Variants in PLEKHA6 observed in about 807,000 individuals in gnomAD.
The protein encoded by PLEKHA6 is pleckstrin homology domain-containing family A member 6.
In PLEKHA6, 60 loss-of-function variants were observed where a neutral mutation model predicts 116.7. The observed-to-expected ratio is 0.51, with a 90% CI of 0.42 to 0.64. PLEKHA6 has a LOEUF of 0.64. Among genes scored for constraint, PLEKHA6 ranks in the 30% least tolerant of loss-of-function variants. PLEKHA6 has a pLI of 0.00. For synonymous variants in PLEKHA6, 489 were observed against 556.1 expected, an observed-to-expected ratio of 0.88 and a Z score of 1.70; for missense variants, 1,338 against 1,422.7, an observed-to-expected ratio of 0.94 and a Z score of 0.96.
chr1:204,223,523 G>A lies in PLEKHA6; in HGVS notation c.3094C>T (p.Leu1032=), dbSNP rs745908885. The change falls in exon 22 of 23, where the codon CTG becomes TTG. Residue 1032 remains leucine, a synonymous_variant. Coordinates refer to ENST00000272203, the MANE Select transcript of PLEKHA6 (RefSeq NM_014935.5). The surrounding 1 kb of genome is among the most constrained non-coding windows in gnomAD (Gnocchi z 4.8). The part of the protein sequence containing the change: ...PASPAPPANP[L]SSESPRGADS... ...GCGCCCCGTGGGGATTCAGACGACAGGGGGTTTGCTGGAGGAGCCGGGGAA... is the reference window on the plus strand; with the variant it reads ...GCGCCCCGTGGGGATTCAGACGACAAGGGGTTTGCTGGAGGAGCCGGGGAA... The A allele has an allele frequency of 6.4e-7, 1 of 1,550,924 alleles. No homozygotes were observed. The highest frequency in any genetic ancestry group is 1.4e-5 in the African/African-American group (1 of 72,992).
chr1:204,378,112 G>A (rs1202458283), upstream of PLEKHA6: 1 of 152,280 alleles, frequency 6.6e-6, no homozygotes, highest in Non-Finnish European at 1.5e-5. Flanking sequence ...AAGCTGGAGC[G>A]GGGAGGATCC....
intron 3 of PLEKHA6, among the ~76,000 whole-genome samples, chr1:204,366,760 TAA>T (rs1284770111): frequency 1.3e-5 from 2 of 151,710 alleles, no homozygotes; most frequent in Admixed American, 1.3e-4. Context: ...GACCCTATCT[TAA>T]AAAAAAGAAA....
chr1:204,311,766 C>T (rs1413766745), intron 1 of PLEKHA6: 1 of 613,600 alleles, frequency 1.6e-6, no homozygotes, highest in African/African-American at 2.0e-5. Flanking sequence ...CCTAAGATTA[C>T]ACTCTAAAGG....
intron 1 of PLEKHA6, among the ~76,000 whole-genome samples, chr1:204,293,899 A>C (rs1670015616): frequency 6.6e-6 from 1 of 152,346 alleles, no homozygotes; most frequent in African/African-American, 2.4e-5. Flanking sequence ...TTCCAGACTG[A>C]GAGGAAAGAG....
intron 15 of PLEKHA6, among the ~76,000 whole-genome samples, chr1:204,243,519 G>T (rs934158907): frequency 6.6e-6 from 1 of 152,052 alleles, no homozygotes; most frequent in Non-Finnish European, 1.5e-5. Flanking sequence ...TTTCCCCAAA[G>T]CTCTCTCATT....
At chr1:204,353,998 C>A (rs1673351868) in intron 1 of PLEKHA6, among the ~76,000 whole-genome samples, 1 of 152,184 alleles carries the variant, frequency 6.6e-6, no homozygotes, top group African/African-American at 2.4e-5. Context: ...AGGAACCAAG[C>A]AAAACCAGAA....
intron 9 of PLEKHA6, among the ~76,000 whole-genome samples, chr1:204,254,275 C>T (rs962605715): frequency 6.6e-6 from 1 of 152,214 alleles, no homozygotes; most frequent in Admixed American, 6.5e-5. Flanking sequence ...GCCACGGCCT[C>T]CAGGGCCAGG....
chr1:204,343,987 C>T (rs1246629733), intron 1 of PLEKHA6, among the ~76,000 whole-genome samples: 1 of 152,104 alleles, frequency 6.6e-6, no homozygotes, highest in Non-Finnish European at 1.5e-5. Context: ...ACAGTAATGC[C>T]CAGACTAAAA....
Position 204,228,732 on chromosome 1 carries a change from A to C in PLEKHA6, c.2881T>G (p.Ser961Ala). Residue 961 changes from serine (S) to alanine (A), a missense_variant, in exon 20 of 23, where the codon TCC (serine) becomes GCC (alanine). Physicochemically the swap from Ser to Ala is moderately conservative, Grantham distance 99. Around this residue, in one of 3 missense-constraint regions of PLEKHA6, gnomAD observed 1,136 missense variants for 1,163.6 expected, o/e 0.98. Coordinates refer to ENST00000272203, the MANE Select transcript of PLEKHA6 (RefSeq NM_014935.5). The surrounding 1 kb of genome is among the most constrained non-coding windows in gnomAD (Gnocchi z 4.0). Reference sequence around the variant, plus strand: ...AGGCTCACCCAGGCTGGTTACCTGGATTTGGCAATGAGTGTCTTGATCCTC... The same window carrying C: ...AGGCTCACCCAGGCTGGTTACCTGGCTTTGGCAATGAGTGTCTTGATCCTC... ...VERIKTLIAK[S>A]SMQNVVPIGE... 6.2e-7 allele frequency: 1 copy of C among 1,613,940 alleles called. No individual in the cohort carries two copies. The highest frequency in any genetic ancestry group is 8.5e-7 in the Non-Finnish European group (1 of 1,179,922).
chr1:204,305,793 C>T (rs900533366), intron 1 of PLEKHA6, among the ~76,000 whole-genome samples: 1 of 122,858 alleles, frequency 8.1e-6, no homozygotes, highest in Non-Finnish European at 1.9e-5. Flanking sequence ...AATAACCAGA[C>T]TGTACAACCT....
In PLEKHA6 at chr1:204,223,794, T is replaced by C. The variant is rs900962298; in HGVS notation, c.3032-209A>G. Among the ~76,000 whole-genome samples, 1 of 151,980 alleles carries C rather than the reference T, an allele frequency of 6.6e-6. No homozygotes were observed. Among genetic ancestry groups the C allele is most frequent in the African/African-American group, 2.4e-5 (1 of 41,394 alleles). On this transcript the variant is annotated intron_variant, in intron 21 of 22. Transcript: ENST00000272203. This position sits in a 1 kb window ranked among gnomAD's most constrained non-coding sequence, Gnocchi z 4.8. Reference sequence around the variant, plus strand: ...AGAGTGTGAGGCCCCAGAGGAGACCTGGCCGAATCTAGGCTCTGCTGAGAA... The same window carrying C: ...AGAGTGTGAGGCCCCAGAGGAGACCCGGCCGAATCTAGGCTCTGCTGAGAA...
In PLEKHA6 at chr1:204,268,225, C is replaced by T. The variant is rs777396593; in HGVS notation, c.190G>A (p.Gly64Ser). 6.2e-7 allele frequency: 1 copy of T among 1,611,312 alleles called. No individual in the cohort carries two copies. The highest frequency in any genetic ancestry group is 2.2e-5 in the East Asian group (1 of 44,654). Residue 64 changes from glycine (G) to serine (S), a missense_variant, in exon 4 of 23, where the codon GGC (glycine) becomes AGC (serine). Gly to Ser is a moderately conservative substitution (Grantham distance 56, BLOSUM62 0). Transcript: ENST00000272203. The part of the protein sequence containing the change: ...RNPNAPVTKA[G>S]WLFKQASSGV... Reference sequence around the variant, plus strand: ...GGCCTCACCTGTTTGAAGAGCCAGCCCGCCTTGGTGACAGGTGCATTGGGG... The same window carrying T: ...GGCCTCACCTGTTTGAAGAGCCAGCTCGCCTTGGTGACAGGTGCATTGGGG...
intron 1 of PLEKHA6, among the ~76,000 whole-genome samples, chr1:204,332,966 G>A (rs564251491): frequency 1.3e-5 from 2 of 152,240 alleles, no homozygotes; most frequent in South Asian, 2.1e-4. Context: ...TAAATGCAGA[G>A]TATCATTATC....
At chr1:204,318,416 C>T (rs1033954560) in intron 1 of PLEKHA6, among the ~76,000 whole-genome samples, 13 of 152,192 alleles carry the variant, frequency 8.5e-5, no homozygotes, top group African/African-American at 3.1e-4. Context: ...GTAGCAGGGC[C>T]TGGATTTGAA....
intron 1 of PLEKHA6, among the ~76,000 whole-genome samples, chr1:204,332,549 T>A (rs1672493639): frequency 1.3e-5 from 2 of 152,162 alleles, no homozygotes; most frequent in African/African-American, 2.4e-5. Flanking sequence ...GCCCAGCTAA[T>A]TTTTGTATTT....
intron 13 of PLEKHA6, 131 bp downstream of exon 13, chr1:204,247,234 A>G: frequency 1.7e-6 from 1 of 599,058 alleles, no homozygotes; most frequent in Non-Finnish European, 3.0e-6. Flanking sequence ...ATGAACCTAA[A>G]GCGTCCCATT....
intron 1 of PLEKHA6, among the ~76,000 whole-genome samples, chr1:204,344,967 C>A (rs1020040887): frequency 1.3e-5 from 2 of 152,128 alleles, no homozygotes; most frequent in African/African-American, 4.8e-5. Context: ...CACCCCTGCC[C>A]CAAGCATAAT....
intron 15 of PLEKHA6, chr1:204,243,047 C>T: frequency 2.5e-6 from 1 of 399,200 alleles, no homozygotes; most frequent in Non-Finnish European, 4.4e-6. Flanking sequence ...CCCTGCCTTG[C>T]CCCTTGGCCT....
intron 1 of PLEKHA6, among the ~76,000 whole-genome samples, chr1:204,287,595 C>G (rs1669329147): frequency 6.6e-6 from 1 of 152,188 alleles, no homozygotes; most frequent in Non-Finnish European, 1.5e-5. Flanking sequence ...CAGGTTCTGT[C>G]TTACCCTACA....
Sources: gnomAD v4.1 joint callset for allele counts (sites outside exome capture counted in the v4.1 genomes callset) on GRCh38, gnomAD v4.1.1 for gene constraint, gnomAD v4.1.1 regional missense constraint, Gnocchi (gnomAD v3.1) non-coding constraint, MANE v1.5 for transcripts, NCBI Gene and HGNC (gene_info 2026-07-23, HGNC 2026-07-21) for gene names.